GAA: variants seen among roughly 807,000 people sequenced by gnomAD.
GAA encodes the protein lysosomal alpha-glucosidase.
In GAA, 88 loss-of-function variants were observed where a neutral mutation model predicts 103.9. The ratio of observed to expected loss-of-function variants is 0.85; its 90% CI spans 0.71 to 1.01. GAA has a LOEUF of 1.01. Among genes scored for constraint, GAA ranks in the 50% least tolerant of loss-of-function variants. The pLI is 0.00. For missense variants in GAA, 1,350 were observed against 1,305.3 expected, an observed-to-expected ratio of 1.03 and a Z score of -0.53; for synonymous variants, 572 against 563.1, an observed-to-expected ratio of 1.02 and a Z score of -0.22.
In GAA at chr17:80,118,209, C is replaced by T. The variant is rs749662485; in HGVS notation, c.2498C>T (p.Thr833Ile). 5.0e-6 allele frequency: 8 copies of T among 1,613,034 alleles called. No homozygotes were observed. Among genetic ancestry groups the T allele is most frequent in the South Asian group, 1.1e-5 (1 of 91,022 alleles). The change falls in exon 18 of 20, where the codon ACC becomes ATC. Residue 833 changes from threonine to isoleucine, a missense_variant. Transcript: ENST00000302262. ...IIPLQGPGLT[T>I]TESRQQPMAL... is the part of the protein sequence containing the mutation. The stretch of plus-strand genomic sequence containing the variant: ...CCTTTCCAGGGCCCTGGCCTCACAA[C>T]CACAGAGTCCCGCCAGCAGCCCATG...
chr17:80,117,806 G>T (rs1319076173), intron 17 of GAA, 57 bp downstream of exon 17: 6 of 1,527,766 alleles, frequency 3.9e-6, no homozygotes, highest in Non-Finnish European at 5.3e-6. Flanking sequence ...AGAGCTGGGG[G>T]AGGCACAGGG....
intron 9 of GAA, among the ~76,000 whole-genome samples, chr17:80,110,295 C>G (rs753893917): frequency 3.9e-5 from 6 of 152,256 alleles, no homozygotes; most frequent in Non-Finnish European, 7.3e-5. Flanking sequence ...GGCACAAGCC[C>G]TGCAGACCCT....
At chr17:80,114,737 T>C (rs1000263892) in intron 15 of GAA, among the ~76,000 whole-genome samples, 10 of 152,242 alleles carry the variant, frequency 6.6e-5, no homozygotes, top group South Asian at 2.1e-4. Flanking sequence ...CCCATGGTTT[T>C]ATTTCTTCAT....
chr17:80,113,950 GGA>G (rs1379879472), intron 15 of GAA, among the ~76,000 whole-genome samples: 1 of 151,790 alleles, frequency 6.6e-6, no homozygotes, highest in Non-Finnish European at 1.5e-5. Flanking sequence ...CCTGGGAGGA[GGA>G]GATTGCAGTG....
At position 80,118,375 on chromosome 17, in the gene GAA, T is replaced by C; in HGVS notation, c.2646+18T>C. 6.4e-7 allele frequency: 1 copy of C among 1,559,570 alleles called. No homozygotes were observed. The highest frequency in any genetic ancestry group is 8.7e-7 in the Non-Finnish European group (1 of 1,151,598). On this transcript the variant is annotated intron_variant, in intron 18 of 19. Transcript: ENST00000302262. ...CCAGGAATGTGAGTCCTGGGGCTGC[T>C]CAGGCTGGTGGGCAGGGGCCGGCTC...
chr17:80,101,984 A>T (rs2038962722), intron 1 of GAA, 94 bp downstream of exon 1: 2 of 152,398 alleles, frequency 1.3e-5, no homozygotes, highest in African/African-American at 4.8e-5. Context: ...TCTTCCCCTG[A>T]GCGGAGCTTG....
intron 16 of GAA, 81 bp from the exon 17 acceptor site, chr17:80,117,519 G>A: frequency 6.5e-7 from 1 of 1,532,990 alleles, no homozygotes; most frequent in Non-Finnish European, 9.0e-7. Context: ...TGGAGCCCCG[G>A]GAGATGGAGA....
chr17:80,103,484 A>T (rs1215650229), intron 1 of GAA, among the ~76,000 whole-genome samples: 1 of 152,130 alleles, frequency 6.6e-6, no homozygotes, highest in Admixed American at 6.5e-5. Flanking sequence ...ATTGAAATCC[A>T]TGCATATTGA....
At chr17:80,114,190 G>C (rs888834976) in intron 15 of GAA, among the ~76,000 whole-genome samples, 2 of 151,910 alleles carry the variant, frequency 1.3e-5, no homozygotes, top group African/African-American at 4.8e-5. Flanking sequence ...TCTGAACATG[G>C]ACTGTAACAG....
At chr17:80,114,767 T>C (rs1014386501) in intron 15 of GAA, among the ~76,000 whole-genome samples, 4 of 152,256 alleles carry the variant, frequency 2.6e-5, no homozygotes, top group Non-Finnish European at 4.4e-5. Context: ...ACTTCTTGTC[T>C]AACATCTTTC....
intron 3 of GAA, among the ~76,000 whole-genome samples, chr17:80,107,342 C>G (rs2039110156): frequency 6.6e-6 from 1 of 152,176 alleles, no homozygotes; most frequent in Admixed American, 6.5e-5. Flanking sequence ...CGGTGCGCCT[C>G]TTCTGATATG....
intron 15 of GAA, among the ~76,000 whole-genome samples, chr17:80,114,395 T>C (rs1430258366): frequency 6.6e-6 from 1 of 151,394 alleles, no homozygotes; most frequent in African/African-American, 2.4e-5. Flanking sequence ...ACTATTTTAA[T>C]GACCTTGTTG....
Position 80,118,722 on chromosome 17 carries a change from G to C in GAA, c.2716G>C (p.Val906Leu). 1 of 1,613,354 alleles carries C rather than the reference G, an allele frequency of 6.2e-7. No individual in the cohort carries two copies. The highest frequency in any genetic ancestry group is 8.5e-7 in the Non-Finnish European group (1 of 1,179,992). ...GAGLQLQKVT[V>L]LGVATAPQQV... is the part of the protein sequence containing the mutation. ...TGGCCTGCAGCTGCAGAAGGTGACT[G>C]TCCTGGGCGTGGCCACGGCGCCCCA... The change falls in exon 19 of 20, where the codon GTC (valine) becomes CTC (leucine). Residue 906 changes from valine to leucine, a missense_variant. Val to Leu is a conservative substitution (Grantham distance 32). Transcript: ENST00000302262.
chr17:80,104,905 G>A lies in GAA; in HGVS notation c.319G>A (p.Gly107Ser), dbSNP rs151323405. The change falls in exon 2 of 20, where the codon GGC becomes AGC. Residue 107 changes from glycine (G) to serine (S), a missense_variant. Physicochemically the swap from Gly to Ser is moderately conservative, Grantham distance 56. Coordinates refer to ENST00000302262, the MANE Select transcript of GAA (RefSeq NM_000152.5). The surrounding 1 kb of genome is among the most constrained non-coding windows in gnomAD (Gnocchi z 4.0). The stretch of plus-strand genomic sequence containing the variant: ...CACCCAGGAACAGTGCGAGGCCCGC[G>A]GCTGTTGCTACATCCCTGCAAAGCA... ...AITQEQCEARGCCYIPAKQGL... is the reference protein window; with the variant it reads ...AITQEQCEARSCCYIPAKQGL... 3.1e-5 allele frequency: 50 copies of A among 1,612,530 alleles called. 1 individual carries two copies. Among genetic ancestry groups the A allele is most frequent in the South Asian group, 2.9e-4 (26 of 91,030 alleles).
At chr17:80,108,173 T>G in intron 5 of GAA, 117 bp from the exon 6 acceptor site, 72 of 1,567,484 alleles carry the variant, frequency 4.6e-5, no homozygotes, top group Non-Finnish European at 5.9e-5. Flanking sequence ...CAGGCCACTC[T>G]GAGCTCCTCG....
chr17:80,103,378 C>T (rs2038998136), intron 1 of GAA, among the ~76,000 whole-genome samples: 1 of 152,284 alleles, frequency 6.6e-6, no homozygotes, highest in East Asian at 1.9e-4. Context: ...CTTCTTCCTC[C>T]TTTCCCTGGG....
In GAA at chr17:80,117,120, G is replaced by C. The variant is rs376709495; in HGVS notation, c.2331+11G>C. The C allele has an allele frequency of 1.6e-5, 25 of 1,611,866 alleles. No individual in the cohort carries two copies. In the African/African-American group the frequency reaches 2.8e-4, roughly 18 times the overall value. Reference sequence around the variant, plus strand: ...TACGACCTGCAGACGGTGAGTCTGGGGACCCTAAGCCCTGGGGAGACGGGA... The same window carrying C: ...TACGACCTGCAGACGGTGAGTCTGGCGACCCTAAGCCCTGGGGAGACGGGA... On this transcript the variant is annotated intron_variant, in intron 16 of 19. Transcript: ENST00000302262.
chr17:80,119,418 C>A lies in GAA; in HGVS notation c.*87C>A. On this transcript the variant is annotated 3_prime_UTR_variant, in exon 20 of 20. Transcript: ENST00000302262. The stretch of plus-strand genomic sequence containing the variant: ...GTGCGGGCAGCAGCTGTGTGCGGGC[C>A]TGGGGGTTGCATGTGTCACCTGGAG... The A allele has an allele frequency of 6.0e-6, 7 of 1,168,204 alleles. No individual in the cohort carries two copies. In the South Asian group the frequency reaches 7.3e-5, roughly 12 times the overall value. The allele number at this position is 1,168,204 out of a possible 1,614,324, so 72.4% of individuals were successfully genotyped here.
chr17:80,105,004 A>G lies in GAA; in HGVS notation c.418A>G (p.Asn140Asp). ...CAGCTACCCCAGCTACAAGCTGGAG[A>G]ACCTGAGCTCCTCTGAAATGGGCTA... ...PPSYPSYKLE[N>D]LSSSEMGYTA... is the part of the protein sequence containing the mutation. The change falls in exon 2 of 20, where the codon AAC becomes GAC. Residue 140 changes from asparagine to aspartate, a missense_variant. Asn to Asp is a conservative substitution (Grantham distance 23). Coordinates refer to ENST00000302262, the MANE Select transcript of GAA (RefSeq NM_000152.5). The G allele has an allele frequency of 6.2e-7, 1 of 1,612,844 alleles. No individual in the cohort carries two copies. The highest frequency in any genetic ancestry group is 8.5e-7 in the Non-Finnish European group (1 of 1,179,968).
Sources: allele counts gnomAD v4.1 joint callset (sites outside exome capture counted in the v4.1 genomes callset), GRCh38; gene constraint gnomAD v4.1.1; non-coding constraint Gnocchi (gnomAD v3.1); transcripts MANE v1.5; gene names NCBI Gene and HGNC (gene_info 2026-07-23, HGNC 2026-07-21).